Variants in SLC9B1 observed in about 807,000 individuals in gnomAD.
SLC9B1 encodes the protein solute carrier family 9 member B1, also known as sodium/hydrogen exchanger 9B1.
SLC9B1 carries 32 observed loss-of-function variants against 51.7 expected under a neutral mutation model. The observed-to-expected ratio is 0.62, with a 90% CI of 0.47 to 0.83. SLC9B1 has a LOEUF of 0.83. Ranked by LOEUF, SLC9B1 falls within the 40% of genes least tolerant of loss-of-function variation. The pLI, the probability that SLC9B1 is intolerant of heterozygous loss-of-function variation, is 0.00. For synonymous variants in SLC9B1, 145 were observed against 212.7 expected (o/e 0.68, Z 2.77); for missense variants, 406 against 613.2 (o/e 0.66, Z 3.57).
intron 7 of SLC9B1, among the ~76,000 whole-genome samples, chr4:102,915,237 A>C (rs1236611842): frequency 6.6e-6 from 1 of 152,242 alleles, no homozygotes; most frequent in Non-Finnish European, 1.5e-5. Flanking sequence ...CTTACAAAAA[A>C]TGTTAAAGGG....
rs551710928 is a variant in SLC9B1, at chr4:102,919,708, C to G, written c.830-8171G>C. On this transcript the variant is annotated intron_variant, in intron 7 of 11. Transcript: ENST00000296422. ...AAAACAGGGCACTCCTGCCCAAATACTGCACTTTTCCCAAGGTCTTAGCAA... is the reference window on the plus strand; with the variant it reads ...AAAACAGGGCACTCCTGCCCAAATAGTGCACTTTTCCCAAGGTCTTAGCAA... Among the ~76,000 whole-genome samples the G allele has an allele frequency of 1.1e-4, 16 of 151,188 alleles. No homozygotes were observed. In the South Asian group the frequency reaches 2.5e-3, roughly 24 times the overall value.
At chr4:102,959,622 T>C (rs1737991016) in intron 3 of SLC9B1, among the ~76,000 whole-genome samples, 1 of 152,168 alleles carries the variant, frequency 6.6e-6, no homozygotes, top group Admixed American at 6.5e-5. Context: ...TGAATATCAA[T>C]AGACAAGACA....
At chr4:102,929,011 C>A (rs1392743222) in intron 7 of SLC9B1, among the ~76,000 whole-genome samples, 1 of 152,132 alleles carries the variant, frequency 6.6e-6, no homozygotes, top group East Asian at 1.9e-4. Flanking sequence ...ATGCTGGCAG[C>A]TGATTTTATG....
intron 3 of SLC9B1, among the ~76,000 whole-genome samples, chr4:102,986,630 C>A (rs1359273722): frequency 2.0e-5 from 3 of 152,104 alleles, no homozygotes; most frequent in Non-Finnish European, 1.5e-5. Context: ...TTTGTAGTGA[C>A]CCCACAATTC....
At chr4:102,946,053 A>C (rs964014926) in intron 5 of SLC9B1, among the ~76,000 whole-genome samples, 1 of 152,204 alleles carries the variant, frequency 6.6e-6, no homozygotes, top group Non-Finnish European at 1.5e-5. Flanking sequence ...TCCCTAAAAA[A>C]AGAAAAAGAC....
At chr4:102,896,594 G>A (rs1046213719), downstream of SLC9B1, 1 of 152,146 alleles carries the variant, frequency 6.6e-6, no homozygotes, top group African/African-American at 2.4e-5. Context: ...GTGCACAGGT[G>A]GGCATTATTC....
At chr4:103,001,073 G>A (rs1448152881) in intron 1 of SLC9B1, among the ~76,000 whole-genome samples, 3 of 152,192 alleles carry the variant, frequency 2.0e-5, no homozygotes, top group Non-Finnish European at 4.4e-5. Flanking sequence ...GTGCACCCAT[G>A]GGCCCAACAC....
In SLC9B1 at chr4:102,906,620, T is replaced by C. The variant is rs1735069080; in HGVS notation, c.1111A>G (p.Thr371Ala). The C allele has an allele frequency of 6.3e-7, 1 of 1,585,222 alleles. No individual in the cohort carries two copies. The highest frequency in any genetic ancestry group is 8.5e-7 in the Non-Finnish European group (1 of 1,171,896). ...AGTGGTTGAAAAATATCCCATACAGTCGTAATAATCTTTTGGACTTTCATC... is the reference window on the plus strand; with the variant it reads ...AGTGGTTGAAAAATATCCCATACAGCCGTAATAATCTTTTGGACTTTCATC... ...EKMKVQKIITTVWDIFQPLLF... is the reference protein window; with the variant it reads ...EKMKVQKIITAVWDIFQPLLF... The change falls in exon 10 of 12, where the codon ACT (threonine) becomes GCT (alanine). Residue 371 changes from threonine (T) to alanine (A), a missense_variant. This residue lies in a region of SLC9B1 where 250 missense variants were observed against 394.1 expected (regional missense o/e 0.63). Transcript: ENST00000296422.
chr4:102,927,211 C>T (rs367834735), intron 7 of SLC9B1, among the ~76,000 whole-genome samples: 11 of 152,302 alleles, frequency 7.2e-5, no homozygotes, highest in South Asian at 6.2e-4. Context: ...ATGACTAAAA[C>T]ACCAATAGTA....
intron 7 of SLC9B1, among the ~76,000 whole-genome samples, chr4:102,926,899 GAT>G (rs1736211594): frequency 2.0e-5 from 3 of 152,258 alleles, no homozygotes; most frequent in African/African-American, 7.2e-5. Context: ...TACCAAAACA[GAT>G]ATATAGACCA....
At chr4:102,949,095 G>A (rs1737413812) in intron 4 of SLC9B1, among the ~76,000 whole-genome samples, 162 bp downstream of exon 4, 3 of 151,782 alleles carry the variant, frequency 2.0e-5, no homozygotes, top group Admixed American at 2.0e-4. Flanking sequence ...ATCTATAAAG[G>A]AGCTGTACAC....
intron 3 of SLC9B1, among the ~76,000 whole-genome samples, chr4:102,989,283 G>T (rs1445270685): frequency 6.6e-6 from 1 of 151,806 alleles, no homozygotes; most frequent in Non-Finnish European, 1.5e-5. Context: ...TTCTCTCATA[G>T]GTTTAATCAA....
intron 3 of SLC9B1, among the ~76,000 whole-genome samples, chr4:102,970,517 C>T (rs1023288542): frequency 1.3e-5 from 2 of 152,194 alleles, no homozygotes; most frequent in African/African-American, 4.8e-5. Context: ...ATAACCAGTA[C>T]CAGCCACACA....
chr4:102,991,579 G>C (rs189727271), intron 2 of SLC9B1, 64 bp downstream of exon 2: 1 of 1,106,816 alleles, frequency 9.0e-7, no homozygotes, highest in East Asian at 2.8e-5. Flanking sequence ...AAGTAAATTA[G>C]GAATAAATTT....
intron 3 of SLC9B1, among the ~76,000 whole-genome samples, chr4:102,972,533 A>C (rs1379623370): frequency 2.6e-5 from 4 of 152,214 alleles, no homozygotes; most frequent in African/African-American, 9.6e-5. Flanking sequence ...GGTGTGAGCC[A>C]CTGTGCCTGG....
At chr4:102,886,648 C>T (rs1297083134) in intron 11 of SLC9B1, among the ~76,000 whole-genome samples, 1 of 151,954 alleles carries the variant, frequency 6.6e-6, no homozygotes, top group Non-Finnish European at 1.5e-5. Context: ...CAGAGTCTTG[C>T]TCTGTCACTC....
intron 10 of SLC9B1, among the ~76,000 whole-genome samples, chr4:102,906,083 G>T (rs1735029944): frequency 6.6e-6 from 1 of 152,006 alleles, no homozygotes. Flanking sequence ...TTACAGACGC[G>T]CACTACCACA....
chr4:102,995,606 G>A (rs1740174222), intron 1 of SLC9B1, among the ~76,000 whole-genome samples: 1 of 152,154 alleles, frequency 6.6e-6, no homozygotes, highest in Non-Finnish European at 1.5e-5. Flanking sequence ...TTTATACTGA[G>A]TCAAGCAATA....
At chr4:102,924,298 A>G (rs1736044437) in intron 7 of SLC9B1, among the ~76,000 whole-genome samples, 1 of 152,126 alleles carries the variant, frequency 6.6e-6, no homozygotes, top group African/African-American at 2.4e-5. Flanking sequence ...CATAAACGAG[A>G]AATGGGGAAA....
Sources: gnomAD v4.1 joint callset for allele counts (sites outside exome capture counted in the v4.1 genomes callset) on GRCh38, gnomAD v4.1.1 for gene constraint, gnomAD v4.1.1 regional missense constraint, MANE v1.5 for transcripts, NCBI Gene and HGNC (gene_info 2026-07-23, HGNC 2026-07-21) for gene names.